TOM1L2: variants seen among roughly 807,000 people sequenced by gnomAD.
TOM1L2 encodes the protein TOM1-like protein 2.
Under a neutral mutation model 67.9 loss-of-function variants are expected in TOM1L2, and 31 were observed. The observed-to-expected ratio is 0.46, with a 90% CI of 0.34 to 0.62. The LOEUF (loss-of-function observed/expected upper bound fraction) is 0.62. Ranked by LOEUF, TOM1L2 falls within the 20% of genes least tolerant of loss-of-function variation. The pLI is 0.01. For synonymous variants in TOM1L2, 256 were observed against 254.0 expected (o/e 1.01, Z -0.07); for missense variants, 606 against 663.5 (o/e 0.91, Z 0.95).
At chr17:17,883,393 C>T (rs902584721) in intron 5 of TOM1L2, among the ~76,000 whole-genome samples, 7 of 152,170 alleles carry the variant, frequency 4.6e-5, no homozygotes, top group Non-Finnish European at 8.8e-5. Flanking sequence ...TTTCACAAAG[C>T]ATAGCGCGTG....
Position 17,869,344 on chromosome 17 carries a change from C to A in TOM1L2, c.907G>T (p.Glu303Ter). Residue 303 changes from glutamate (E) to a stop codon, truncating the protein, a stop_gained, in exon 8 of 15, where the codon GAG (glutamate) becomes TAG (stop). Transcript: ENST00000379504. LOFTEE classifies it high-confidence loss of function. The stretch of plus-strand genomic sequence containing the variant: ...AAAAAGAAATCCGGCTCCCACCTCT[C>A]GTATCGAAGGAAGACGTTGTTGAGG... ...DDLNNVFLRY[E>*]RFERYRSGRS... is the part of the protein sequence containing the mutation. The A allele has an allele frequency of 6.2e-7, 1 of 1,611,130 alleles. No individual in the cohort carries two copies. The highest frequency in any genetic ancestry group is 1.1e-5 in the South Asian group (1 of 90,950).
rs574880243 is a variant in TOM1L2 at position 17,931,597 on chromosome 17, C to A, written c.53-24066G>T. On this transcript the variant is annotated intron_variant, in intron 1 of 14. Transcript: ENST00000379504. ...CGTACAAAATGAGCTCCTTGAAAGG[C>A]AATACAATGAAGCATCTCCCAGAAG... Among the ~76,000 whole-genome samples, 131 of 152,244 alleles carry A rather than the reference C, an allele frequency of 8.6e-4. 4 individuals are homozygous for A. In the South Asian group the frequency reaches 0.024, roughly 27 times the overall value.
intron 2 of TOM1L2, among the ~76,000 whole-genome samples, chr17:17,901,227 AAC>A (rs2038838902): frequency 6.6e-6 from 1 of 152,212 alleles, no homozygotes; most frequent in Non-Finnish European, 1.5e-5. Context: ...TGTCAAAGGA[AAC>A]ACAAAGTTTC....
rs562796815 is a variant in TOM1L2, at chr17:17,928,269, A to G, written c.53-20738T>C. ...GGGAGAGCTGATTCTGCAAAGATGC[A>G]TAATTGAGAAAAACACTGCTGCTCC... On this transcript the variant is annotated intron_variant, in intron 1 of 14. Coordinates refer to ENST00000379504, the MANE Select transcript of TOM1L2 (RefSeq NM_001082968.2). Among the ~76,000 whole-genome samples the G allele has an allele frequency of 5.9e-5, 9 of 152,370 alleles. No individual in the cohort carries two copies. In the South Asian group the frequency reaches 1.9e-3, roughly 32 times the overall value.
At chr17:17,887,743 T>C (rs2038071445) in intron 4 of TOM1L2, among the ~76,000 whole-genome samples, 1 of 152,210 alleles carries the variant, frequency 6.6e-6, no homozygotes, top group East Asian at 1.9e-4. Context: ...CCCAAAGTGC[T>C]GGGATTACAG....
intron 1 of TOM1L2, among the ~76,000 whole-genome samples, chr17:17,943,666 A>C (rs1400088279): frequency 6.6e-6 from 1 of 152,086 alleles, no homozygotes; most frequent in East Asian, 1.9e-4. Flanking sequence ...TCTACACTCC[A>C]CACTGCCCCA....
At position 17,924,807 on chromosome 17, in the gene TOM1L2, A is replaced by C. The variant is rs543319864; in HGVS notation, c.53-17276T>G. ...CTTAAAACTTCTCAAATATAAAATAAAAAAGTGATGATTAAATATAGTATA... is the reference window on the plus strand; with the variant it reads ...CTTAAAACTTCTCAAATATAAAATACAAAAGTGATGATTAAATATAGTATA... On this transcript the variant is annotated intron_variant, in intron 1 of 14. Coordinates refer to ENST00000379504, the MANE Select transcript of TOM1L2 (RefSeq NM_001082968.2). Among the ~76,000 whole-genome samples the C allele has an allele frequency of 2.6e-5, 4 of 152,292 alleles. No homozygotes were observed. In the South Asian group the frequency reaches 8.3e-4, roughly 32 times the overall value.
At chr17:17,878,639 C>T (rs781270422) in intron 7 of TOM1L2, among the ~76,000 whole-genome samples, 10 of 152,188 alleles carry the variant, frequency 6.6e-5, no homozygotes, top group Non-Finnish European at 1.2e-4. Flanking sequence ...AGACTGACAA[C>T]GGAGGGCCAG....
chr17:17,954,823 A>G (rs1161851187), intron 1 of TOM1L2, among the ~76,000 whole-genome samples: 2 of 152,204 alleles, frequency 1.3e-5, no homozygotes, highest in Non-Finnish European at 2.9e-5. Context: ...GGAGAAAACT[A>G]AGAGCAAACA....
intron 1 of TOM1L2, among the ~76,000 whole-genome samples, chr17:17,933,463 G>A (rs552913408): frequency 6.6e-6 from 1 of 152,252 alleles, no homozygotes; most frequent in Admixed American, 6.5e-5. Context: ...CAGGTATTGG[G>A]AGCCTGTGGA....
At chr17:17,947,310 C>G (rs2040994304) in intron 1 of TOM1L2, among the ~76,000 whole-genome samples, 1 of 152,190 alleles carries the variant, frequency 6.6e-6, no homozygotes, top group Admixed American at 6.5e-5. Context: ...AGACATGAGC[C>G]ACCGTGCCCA....
Position 17,846,222 on chromosome 17 carries a change from G to C in TOM1L2, c.*1413C>G, listed in dbSNP as rs964320606. ...GGTGGGAAGGGCTAACTACACCATG[G>C]ATCAGGAACCTGTGCTGACCTAGGC... On this transcript the variant is annotated 3_prime_UTR_variant, in exon 15 of 15. Coordinates refer to ENST00000379504, the MANE Select transcript of TOM1L2 (RefSeq NM_001082968.2). 1 of 152,336 alleles carries C rather than the reference G, an allele frequency of 6.6e-6. No individual in the cohort carries two copies. The highest frequency in any genetic ancestry group is 1.5e-5 in the Non-Finnish European group (1 of 68,106). The allele number at this position is 152,336 out of a possible 1,614,324, so 9.4% of individuals were successfully genotyped here.
intron 1 of TOM1L2, among the ~76,000 whole-genome samples, chr17:17,940,085 T>G (rs2040668217): frequency 6.7e-6 from 1 of 149,316 alleles, no homozygotes; most frequent in East Asian, 2.0e-4. Context: ...CCCAGCTGCC[T>G]GAGAGGCTGA....
chr17:17,901,929 A>C (rs1260879272), intron 2 of TOM1L2, among the ~76,000 whole-genome samples: 1 of 152,212 alleles, frequency 6.6e-6, no homozygotes, highest in Non-Finnish European at 1.5e-5. Flanking sequence ...CACGCCTGTA[A>C]TCCCAGCACT....
At position 17,907,543 on chromosome 17, in the gene TOM1L2, G is replaced by C; in HGVS notation, c.53-12C>G. 1 of 1,613,084 alleles carries C rather than the reference G, an allele frequency of 6.2e-7. No homozygotes were observed. On this transcript the variant is annotated splice_polypyrimidine_tract_variant and intron_variant, in intron 1 of 14. Coordinates refer to ENST00000379504, the MANE Select transcript of TOM1L2 (RefSeq NM_001082968.2). Reference sequence around the variant, plus strand: ...ATCTGTTGCCTTTTCTGTGAAATCAGAGAGAAAATGGGTTTACATTTCTCC... The same window carrying C: ...ATCTGTTGCCTTTTCTGTGAAATCACAGAGAAAATGGGTTTACATTTCTCC...
intron 11 of TOM1L2, among the ~76,000 whole-genome samples, 184 bp from the exon 12 acceptor site, chr17:17,861,735 G>A (rs1286365344): frequency 1.3e-5 from 2 of 152,178 alleles, no homozygotes; most frequent in East Asian, 1.9e-4. Flanking sequence ...CCCTGCAGTG[G>A]ATGCTAGGAG....
chr17:17,957,485 T>C lies in TOM1L2; in HGVS notation c.52+14777A>G, dbSNP rs577942173. ...CCTGAGGGAGCTTTCTGGGGTGAGG[T>C]TGACAGTGCGTATCTTGATGGGGTA... On this transcript the variant is annotated intron_variant, in intron 1 of 14. Coordinates refer to ENST00000379504, the MANE Select transcript of TOM1L2 (RefSeq NM_001082968.2). Among the ~76,000 whole-genome samples, 61 of 152,172 alleles carry C rather than the reference T, an allele frequency of 4.0e-4. 1 individual carries two copies. Among genetic ancestry groups the C allele is most frequent in the African/African-American group, 1.4e-3 (59 of 41,522 alleles).
intron 3 of TOM1L2, among the ~76,000 whole-genome samples, chr17:17,894,155 C>T (rs2144229102): frequency 6.6e-6 from 1 of 152,332 alleles, no homozygotes; most frequent in East Asian, 1.9e-4. Context: ...ACTCCTCTCT[C>T]TGGGCCTCTG....
chr17:17,866,145 T>C lies in TOM1L2; in HGVS notation c.1084+151A>G, dbSNP rs573093710. 3 of 902,074 alleles carry C rather than the reference T, an allele frequency of 3.3e-6. No individual in the cohort carries two copies. The South Asian group carries it at 6.7e-5, about 20-fold the overall frequency. 55.9% of individuals were successfully genotyped at this position (902,074 alleles called of 1,614,324 possible). A position where few individuals can be genotyped will look rare whatever the true frequency, so the allele number is the denominator to read the frequency against. Reference sequence around the variant, plus strand: ...AAAAAGGTATGAATTGAAAGTAAGGTGGTACAACTGGCTAGGACTCAGGAA... The same window carrying C: ...AAAAAGGTATGAATTGAAAGTAAGGCGGTACAACTGGCTAGGACTCAGGAA... On this transcript the variant is annotated intron_variant, in intron 10 of 14. Coordinates refer to ENST00000379504, the MANE Select transcript of TOM1L2 (RefSeq NM_001082968.2).
Sources: allele counts gnomAD v4.1 joint callset (sites outside exome capture counted in the v4.1 genomes callset), GRCh38; gene constraint gnomAD v4.1.1; transcripts MANE v1.5; gene names NCBI Gene and HGNC (gene_info 2026-07-23, HGNC 2026-07-21).